RAB11FIP4: variants seen among roughly 807,000 people sequenced by gnomAD.
RAB11FIP4 encodes rab11 family-interacting protein 4.
A neutral mutation model predicts 74.3 loss-of-function variants in RAB11FIP4; 23 were observed. That is an observed-to-expected ratio of 0.31 (90% CI 0.22 to 0.44). RAB11FIP4 has a LOEUF of 0.44. RAB11FIP4 is among the 20% of genes least tolerant of loss of function. The pLI, the probability that RAB11FIP4 is intolerant of heterozygous loss-of-function variation, is 1.00. For missense variants in RAB11FIP4, 630 were observed against 863.9 expected (o/e 0.73, Z 3.39); for synonymous variants, 360 against 359.9 (o/e 1.00, Z 0.00).
At chr17:31,528,185 C>T (rs2072801265) in intron 11 of RAB11FIP4, among the ~76,000 whole-genome samples, 1 of 152,220 alleles carries the variant, frequency 6.6e-6, no homozygotes, top group African/African-American at 2.4e-5. Context: ...CATCTAGCAT[C>T]GTTGAAGGAC....
chr17:31,430,307 G>A (rs958980885), intron 1 of RAB11FIP4, among the ~76,000 whole-genome samples: 1 of 151,860 alleles, frequency 6.6e-6, no homozygotes, highest in Admixed American at 6.6e-5. Context: ...GGAGTGGAAG[G>A]GGTCAGATCA....
Position 31,521,350 on chromosome 17 carries a change from G to T in RAB11FIP4, c.748G>T (p.Val250Leu), listed in dbSNP as rs201533820. 1.2e-6 allele frequency: 2 copies of T among 1,603,468 alleles called. No individual in the cohort carries two copies. Among genetic ancestry groups the T allele is most frequent in the African/African-American group, 1.3e-5 (1 of 74,514 alleles). Residue 250 changes from valine (V) to leucine (L), a missense_variant, in exon 5 of 15, where the codon GTG (valine) becomes TTG (leucine). By Grantham distance (32) the Val-to-Leu change is conservative. Coordinates refer to ENST00000621161, the MANE Select transcript of RAB11FIP4 (RefSeq NM_032932.6). ...CGTCTACTCGGACCTGGGGTCTTCG[G>T]TGTCTTCCAGGTGGCCCCTTGGTCT... ...TNVYSDLGSS[V>L]SSSAGQTPRK... is the part of the protein sequence containing the mutation.
At chr17:31,529,125 G>T (rs2072824045) in intron 13 of RAB11FIP4, among the ~76,000 whole-genome samples, 1 of 150,510 alleles carries the variant, frequency 6.6e-6, no homozygotes, top group Non-Finnish European at 1.5e-5. Flanking sequence ...AAGAGACAGG[G>T]TCTTGCTCTG....
intron 1 of RAB11FIP4, among the ~76,000 whole-genome samples, chr17:31,410,517 C>T (rs1179571377): frequency 2.6e-5 from 4 of 151,946 alleles, no homozygotes; most frequent in East Asian, 1.9e-4. Context: ...AGTTGGAGAC[C>T]ATCCTGGCCA....
In RAB11FIP4 at chr17:31,532,801, T is replaced by C. The variant is rs1260860664; in HGVS notation, c.*1069T>C. ...TCCAGCGTTTAGAAACACACCTGTA[T>C]TTGATTCTCAGCCAGGGGAGCACTC... On this transcript the variant is annotated 3_prime_UTR_variant, in exon 15 of 15. Coordinates refer to ENST00000621161, the MANE Select transcript of RAB11FIP4 (RefSeq NM_032932.6). 6.6e-6 allele frequency: 1 copy of C among 152,180 alleles called. No homozygotes were observed. The highest frequency in any genetic ancestry group is 2.4e-5 in the African/African-American group (1 of 41,434). The allele number at this position is 152,180 out of a possible 1,614,324, so 9.4% of individuals were successfully genotyped here.
intron 3 of RAB11FIP4, among the ~76,000 whole-genome samples, chr17:31,496,661 G>C (rs2072122135): frequency 6.6e-6 from 1 of 152,186 alleles, no homozygotes; most frequent in Non-Finnish European, 1.5e-5. Flanking sequence ...GAAGCTCCCT[G>C]GGGTGGGAAA....
intron 3 of RAB11FIP4, among the ~76,000 whole-genome samples, chr17:31,474,681 AAAAGAG>A (rs905369457): frequency 6.6e-6 from 1 of 151,768 alleles, no homozygotes; most frequent in African/African-American, 2.4e-5. Context: ...AAAAAAAAAA[AAAAGAG>A]AGAAAGTGTT....
rs945680017 is a variant in RAB11FIP4 at position 31,536,902 on chromosome 17, G to A, written c.*5170G>A. ...TATAATGTCACCATGCTCACCAGGC[G>A]AGGTTTCCCATATGACCTCCCTGCC... On this transcript the variant is annotated 3_prime_UTR_variant, in exon 15 of 15. Coordinates refer to ENST00000621161, the MANE Select transcript of RAB11FIP4 (RefSeq NM_032932.6). The A allele has an allele frequency of 7.5e-6, 3 of 398,378 alleles. No individual in the cohort carries two copies. The highest frequency in any genetic ancestry group is 2.1e-5 in the African/African-American group (1 of 48,604). The allele number at this position is 398,378 out of a possible 1,614,324, so 24.7% of individuals were successfully genotyped here. A position where few individuals can be genotyped will look rare whatever the true frequency, so the allele number is the denominator to read the frequency against.
chr17:31,413,717 G>A (rs902337224), intron 1 of RAB11FIP4, among the ~76,000 whole-genome samples: 6 of 152,052 alleles, frequency 3.9e-5, no homozygotes, highest in Admixed American at 2.6e-4. Context: ...TGGGCTGTCT[G>A]TCTCCTCTGG....
At chr17:31,490,439 A>C (rs1338302883) in intron 3 of RAB11FIP4, among the ~76,000 whole-genome samples, 1 of 152,146 alleles carries the variant, frequency 6.6e-6, no homozygotes, top group African/African-American at 2.4e-5. Flanking sequence ...AGGGGGTAGG[A>C]GAGGCTCCCA....
intron 3 of RAB11FIP4, among the ~76,000 whole-genome samples, chr17:31,499,744 A>G (rs984474177): frequency 2.0e-4 from 31 of 151,908 alleles, no homozygotes; most frequent in Non-Finnish European, 8.8e-5. Flanking sequence ...GCCACATGGT[A>G]GGCGCCCTAG....
chr17:31,493,252 C>G (rs1460057608), intron 3 of RAB11FIP4, among the ~76,000 whole-genome samples: 1 of 152,186 alleles, frequency 6.6e-6, no homozygotes. Context: ...CAGATGAAAA[C>G]AAAGCTCTGT....
intron 1 of RAB11FIP4, among the ~76,000 whole-genome samples, chr17:31,397,770 G>A (rs2151613064): frequency 6.6e-6 from 1 of 152,304 alleles, no homozygotes; most frequent in East Asian, 1.9e-4. Context: ...GTCCTAGCTG[G>A]GGCACCCTCT....
chr17:31,431,577 A>T (rs1436347949), intron 1 of RAB11FIP4: 1 of 319,734 alleles, frequency 3.1e-6, no homozygotes, highest in African/African-American at 4.4e-5. Flanking sequence ...CCGTGTGCTC[A>T]GGGAGGGTGT....
chr17:31,412,175 C>T (rs2071103444), intron 1 of RAB11FIP4, among the ~76,000 whole-genome samples: 1 of 152,186 alleles, frequency 6.6e-6, no homozygotes, highest in African/African-American at 2.4e-5. Context: ...ACAGTTCATC[C>T]TCTAGGGGTG....
At chr17:31,408,332 C>T (rs1425402450) in intron 1 of RAB11FIP4, among the ~76,000 whole-genome samples, 12 of 152,082 alleles carry the variant, frequency 7.9e-5, no homozygotes, top group Admixed American at 6.6e-4. Context: ...AGAGTGCTGC[C>T]ATCTTTACAT....
intron 7 of RAB11FIP4, 97 bp downstream of exon 7, chr17:31,522,492 G>A (rs548547473): frequency 2.9e-5 from 36 of 1,223,366 alleles, no homozygotes; most frequent in East Asian, 1.9e-4. Flanking sequence ...GCTGGTGCCC[G>A]CATGTGGCTG....
At chr17:31,424,604 C>T (rs1019472597) in intron 1 of RAB11FIP4, among the ~76,000 whole-genome samples, 10 of 135,532 alleles carry the variant, frequency 7.4e-5, no homozygotes, top group Admixed American at 5.0e-4. Context: ...GAGGCGGAGT[C>T]TCGCTCTGTT....
chr17:31,524,231 C>T, intron 9 of RAB11FIP4: 1 of 503,980 alleles, frequency 2.0e-6, no homozygotes, highest in Non-Finnish European at 3.6e-6. Context: ...GGATTCTACC[C>T]CCTGAGGTCT....
Sources: allele counts gnomAD v4.1 joint callset (sites outside exome capture counted in the v4.1 genomes callset), GRCh38; gene constraint gnomAD v4.1.1; transcripts MANE v1.5; gene names NCBI Gene and HGNC (gene_info 2026-07-23, HGNC 2026-07-21).